ATE1: variants seen among roughly 807,000 people sequenced by gnomAD.
The protein encoded by ATE1 is arginyl-tRNA--protein transferase 1.
A neutral mutation model predicts 70.5 loss-of-function variants in ATE1; 36 were observed. The observed-to-expected ratio is 0.51, with a 90% CI of 0.39 to 0.67. ATE1 has a LOEUF of 0.67. Ranked by LOEUF, ATE1 falls within the 30% of genes least tolerant of loss-of-function variation. ATE1 has a pLI of 0.00. For missense variants in ATE1, 593 were observed against 629.5 expected, an observed-to-expected ratio of 0.94 and a Z score of 0.62; for synonymous variants, 232 against 219.3, an observed-to-expected ratio of 1.06 and a Z score of -0.51.
intron 7 of ATE1, among the ~76,000 whole-genome samples, chr10:121,884,642 G>A (rs902566171): frequency 6.6e-6 from 1 of 152,084 alleles, no homozygotes; most frequent in African/African-American, 2.4e-5. Flanking sequence ...GAGAAGAAAC[G>A]GAAGGAAAGA....
At chr10:121,790,953 T>TGC (rs1946408375) in intron 10 of ATE1, among the ~76,000 whole-genome samples, 1 of 5,434 alleles carries the variant, frequency 1.8e-4, no homozygotes, top group Non-Finnish European at 1.2e-3. Context: ...TATATATGTG[T>TGC]ATATATATAT....
chr10:121,784,580 G>A (rs1034795144), intron 11 of ATE1, among the ~76,000 whole-genome samples: 4 of 152,100 alleles, frequency 2.6e-5, no homozygotes, highest in African/African-American at 7.2e-5. Context: ...AATACAGGCC[G>A]GGTGCAGTGG....
chr10:121,802,085 C>T (rs184273535), intron 10 of ATE1, among the ~76,000 whole-genome samples: 2 of 152,228 alleles, frequency 1.3e-5, no homozygotes, highest in Admixed American at 1.3e-4. Context: ...AATAATAGTA[C>T]TATACTCACA....
intron 8 of ATE1, among the ~76,000 whole-genome samples, chr10:121,863,535 G>C (rs1949552816): frequency 6.6e-6 from 1 of 152,038 alleles, no homozygotes; most frequent in African/African-American, 2.4e-5. Context: ...ACAGGCGTGA[G>C]CCACAGCGCC....
rs576069622 is a variant in ATE1, at chr10:121,745,114, T to C, written c.1379-1256A>G. Among the ~76,000 whole-genome samples, 8 of 152,338 alleles carry C rather than the reference T, an allele frequency of 5.3e-5. No homozygotes were observed. In the South Asian group the frequency reaches 1.4e-3, roughly 28 times the overall value. The stretch of plus-strand genomic sequence containing the variant: ...GTTGCCTATGTCTAGATATTTACAT[T>C]ACAAATAAACTATCTTGTTTAACCC... On this transcript the variant is annotated intron_variant, in intron 11 of 11. Coordinates refer to ENST00000224652, the MANE Select transcript of ATE1 (RefSeq NM_001001976.3).
At chr10:121,859,125 A>G (rs1214014757) in intron 8 of ATE1, among the ~76,000 whole-genome samples, 1 of 152,148 alleles carries the variant, frequency 6.6e-6, no homozygotes. Context: ...AAAAAAGGAT[A>G]TGCAAGAAAA....
upstream of ATE1, chr10:121,928,176 C>A: frequency 2.3e-6 from 3 of 1,295,156 alleles, no homozygotes; most frequent in Non-Finnish European, 2.9e-6. Context: ...CATAAGGGGC[C>A]GCCGTCGTCA....
At chr10:121,815,314 T>C (rs1947496414) in intron 10 of ATE1, among the ~76,000 whole-genome samples, 1 of 152,108 alleles carries the variant, frequency 6.6e-6, no homozygotes, top group African/African-American at 2.4e-5. Context: ...TTTTTTGTAT[T>C]TTTAGTAGAG....
At chr10:121,766,871 C>A (rs1468787515) in intron 11 of ATE1, among the ~76,000 whole-genome samples, 1 of 152,144 alleles carries the variant, frequency 6.6e-6, no homozygotes, top group Non-Finnish European at 1.5e-5. Flanking sequence ...CCAGAAGGGC[C>A]TGGAAAATTC....
At chr10:121,797,039 TCTCA>T (rs1183306773) in intron 10 of ATE1, among the ~76,000 whole-genome samples, 1 of 152,208 alleles carries the variant, frequency 6.6e-6, no homozygotes, top group Non-Finnish European at 1.5e-5. Context: ...TTAAAAGTTA[TCTCA>T]CTATCATATC....
chr10:121,866,273 A>C (rs1216773884), intron 8 of ATE1, among the ~76,000 whole-genome samples: 1 of 152,202 alleles, frequency 6.6e-6, no homozygotes, highest in Non-Finnish European at 1.5e-5. Context: ...TGCAAACTAG[A>C]AAAATATCAA....
At chr10:121,850,808 C>G (rs1949022267) in intron 8 of ATE1, among the ~76,000 whole-genome samples, 1 of 152,130 alleles carries the variant, frequency 6.6e-6, no homozygotes, top group Non-Finnish European at 1.5e-5. Flanking sequence ...TCAAGAGTTT[C>G]AGGCCGGGTG....
At chr10:121,781,737 G>C (rs1215889225) in intron 11 of ATE1, among the ~76,000 whole-genome samples, 1 of 152,202 alleles carries the variant, frequency 6.6e-6, no homozygotes, top group African/African-American at 2.4e-5. Context: ...TCTGACAGGG[G>C]TTAGTAAAGC....
At chr10:121,748,529 C>T (rs1944455890) in intron 11 of ATE1, among the ~76,000 whole-genome samples, 1 of 152,128 alleles carries the variant, frequency 6.6e-6, no homozygotes, top group Admixed American at 6.5e-5. Context: ...TCCAAATTGG[C>T]TTATGATGTC....
intron 11 of ATE1, among the ~76,000 whole-genome samples, chr10:121,775,619 G>A (rs376566510): frequency 1.3e-5 from 2 of 152,308 alleles, no homozygotes; most frequent in South Asian, 2.1e-4. Flanking sequence ...TAATATGTGT[G>A]TATACATAAT....
intron 7 of ATE1, among the ~76,000 whole-genome samples, chr10:121,895,070 AAG>A (rs551401894): frequency 1.1e-3 from 165 of 152,284 alleles, no homozygotes; most frequent in African/African-American, 3.8e-3. Flanking sequence ...TTTAAGAAAA[AAG>A]AGACACAAGT....
Position 121,919,026 on chromosome 10 carries a change from C to T in ATE1, c.233+3323G>A, listed in dbSNP as rs552304674. Among the ~76,000 whole-genome samples, 13 of 144,936 alleles carry T rather than the reference C, an allele frequency of 9.0e-5. 1 individual carries two copies. The highest frequency in any genetic ancestry group is 3.2e-4 in the African/African-American group (13 of 40,908). On this transcript the variant is annotated intron_variant, in intron 3 of 11. Coordinates refer to ENST00000224652, the MANE Select transcript of ATE1 (RefSeq NM_001001976.3). ...ACCAATCAGCACTCTATAAAATGGACCAATCAGCACTCTGTAAAATGGACC... is the reference window on the plus strand; with the variant it reads ...ACCAATCAGCACTCTATAAAATGGATCAATCAGCACTCTGTAAAATGGACC...
intron 8 of ATE1, among the ~76,000 whole-genome samples, chr10:121,859,910 C>T (rs527947520): frequency 6.6e-6 from 1 of 152,282 alleles, no homozygotes; most frequent in African/African-American, 2.4e-5. Context: ...CACTGCACTG[C>T]AGACTGGGCG....
intron 7 of ATE1, among the ~76,000 whole-genome samples, chr10:121,878,184 G>A (rs949556331): frequency 2.6e-5 from 4 of 152,174 alleles, no homozygotes; most frequent in African/African-American, 7.2e-5. Context: ...AGTGATAGAA[G>A]GGTAGTTAAC....
Sources: gnomAD v4.1 joint callset for allele counts (sites outside exome capture counted in the v4.1 genomes callset) on GRCh38, gnomAD v4.1.1 for gene constraint, MANE v1.5 for transcripts, NCBI Gene and HGNC (gene_info 2026-07-23, HGNC 2026-07-21) for gene names.